The following JPH3 variants were observed in gnomAD, a reference collection of about 807,000 sequenced individuals.
The protein encoded by JPH3 is junctophilin-3.
In JPH3, 11 loss-of-function variants were observed where a neutral mutation model predicts 59.6. That is an observed-to-expected ratio of 0.18 (90% confidence interval 0.12 to 0.31). JPH3 has a LOEUF of 0.31. Ranked by LOEUF, JPH3 falls within the 10% of genes least tolerant of loss-of-function variation. JPH3 has a pLI of 1.00. For missense variants in JPH3, 1,202 were observed against 1,105.7 expected (o/e 1.09, Z -1.24); for synonymous variants, 673 against 483.6 (o/e 1.39, Z -5.14).
chr16:87,648,694 G>T (rs566355623), intron 2 of JPH3, among the ~76,000 whole-genome samples: 1 of 152,306 alleles, frequency 6.6e-6, no homozygotes, highest in East Asian at 1.9e-4. Context: ...ACTCAGCCCA[G>T]GGTGGAGTCA....
intron 4 of JPH3, chr16:87,694,988 T>C (rs1597303562): frequency 3.4e-6 from 1 of 295,290 alleles, no homozygotes; most frequent in South Asian, 3.3e-5. Context: ...TCCGTGGCTG[T>C]TGTGAATCCT....
intron 1 of JPH3, among the ~76,000 whole-genome samples, chr16:87,614,280 ACACAGGAGGAGC>A (rs2150824284): frequency 2.0e-5 from 3 of 149,558 alleles, no homozygotes; most frequent in East Asian, 4.1e-4. Context: ...AGGTCCCTGT[ACACAGGAGGAGC>A]TGTGCGTCCC....
intron 1 of JPH3, among the ~76,000 whole-genome samples, chr16:87,633,036 C>G (rs1324100479): frequency 6.6e-6 from 1 of 152,150 alleles, no homozygotes; most frequent in African/African-American, 2.4e-5. Flanking sequence ...CTTCTCCTGT[C>G]CTTTTACTTC....
intron 2 of JPH3, among the ~76,000 whole-genome samples, chr16:87,669,667 C>T (rs370888787): frequency 1.3e-5 from 2 of 152,224 alleles, no homozygotes; most frequent in East Asian, 1.9e-4. Flanking sequence ...GGGTGGAGGC[C>T]GGGACAGTGT....
chr16:87,695,199 A>G (rs1386512231), intron 4 of JPH3: 2 of 406,064 alleles, frequency 4.9e-6, no homozygotes, highest in Non-Finnish European at 9.9e-6. Flanking sequence ...CCCCTCCTTA[A>G]TGCAGGCCTG....
chr16:87,644,327 G>T lies in JPH3; in HGVS notation c.452G>T (p.Gly151Val), dbSNP rs756865757. 2.5e-6 allele frequency: 4 copies of T among 1,612,958 alleles called. No homozygotes were observed. Among genetic ancestry groups the T allele is most frequent in the Non-Finnish European group, 3.4e-6 (4 of 1,179,934 alleles). The change falls in exon 2 of 5, where the codon GGC becomes GTC. Residue 151 changes from glycine (G) to valine (V), a missense_variant. By Grantham distance (109) the Gly-to-Val change is moderately radical (BLOSUM62 -3). Transcript: ENST00000284262. ...GGCGTCCGGCAGAGCGTCCCGTATG[G>T]CATGGCCGCGGTCATCCGCTCACCC... ...GYGVRQSVPY[G>V]MAAVIRSPLR...
rs1210138898 is a variant in JPH3, at chr16:87,689,728, G to A, written c.1368G>A (p.Glu456=). 1.2e-6 allele frequency: 2 copies of A among 1,612,476 alleles called. No individual in the cohort carries two copies. The highest frequency in any genetic ancestry group is 8.5e-7 in the Non-Finnish European group (1 of 1,179,790). Residue 456 remains glutamate (E), a synonymous_variant, in exon 4 of 5, where the codon GAG becomes GAA. Coordinates refer to ENST00000284262, the MANE Select transcript of JPH3 (RefSeq NM_020655.4). ...VLSTGTPLQQ[E]SPELYRKGTT... ...CCACCGGGACACCCCTGCAGCAGGA[G>A]AGCCCCGAGCTGTACCGCAAGGGCA...
chr16:87,629,088 C>T (rs1277290202), intron 1 of JPH3, among the ~76,000 whole-genome samples: 2 of 152,134 alleles, frequency 1.3e-5, no homozygotes, highest in Admixed American at 6.5e-5. Flanking sequence ...CAGGTCTCCA[C>T]CTCTTGTTGC....
intron 1 of JPH3, among the ~76,000 whole-genome samples, chr16:87,605,645 T>C (rs954300287): frequency 1.3e-5 from 2 of 152,184 alleles, no homozygotes; most frequent in African/African-American, 4.8e-5. Context: ...GCCAGACAGC[T>C]CCCTCAGCAT....
intron 1 of JPH3, among the ~76,000 whole-genome samples, chr16:87,635,679 G>T (rs2031716887): frequency 6.6e-6 from 1 of 152,240 alleles, no homozygotes; most frequent in South Asian, 2.1e-4. Context: ...GACACCTGCT[G>T]GCGGCCTCAT....
intron 2 of JPH3, among the ~76,000 whole-genome samples, chr16:87,659,986 G>A (rs1158269151): frequency 6.6e-6 from 1 of 152,176 alleles, no homozygotes; most frequent in Non-Finnish European, 1.5e-5. Context: ...GAGCTCTGCT[G>A]TGAAGGGGAT....
chr16:87,615,592 G>A (rs191706382), intron 1 of JPH3, among the ~76,000 whole-genome samples: 268 of 152,284 alleles, frequency 1.8e-3, no homozygotes, highest in Middle Eastern at 3.4e-3. Flanking sequence ...AACAGAAGTG[G>A]GAAGTGATGG....
At chr16:87,663,053 C>T (rs1004612131) in intron 2 of JPH3, among the ~76,000 whole-genome samples, 4 of 152,030 alleles carry the variant, frequency 2.6e-5, no homozygotes, top group Admixed American at 1.3e-4. Flanking sequence ...CAGGATAAGT[C>T]GGCAAGTTTT....
intron 1 of JPH3, among the ~76,000 whole-genome samples, chr16:87,628,072 CT>C (rs1167501774): frequency 6.6e-6 from 1 of 152,234 alleles, no homozygotes; most frequent in African/African-American, 2.4e-5. Flanking sequence ...CCTGCCTCCC[CT>C]GTTCACGCCC....
Position 87,644,367 on chromosome 16 carries a change from C to T in JPH3, c.492C>T (p.Ile164=). The T allele has an allele frequency of 6.2e-7, 1 of 1,612,958 alleles. No homozygotes were observed. The highest frequency in any genetic ancestry group is 8.5e-7 in the Non-Finnish European group (1 of 1,179,914). Residue 164 remains isoleucine (I), a synonymous_variant, in exon 2 of 5, where the codon ATC becomes ATT. Coordinates refer to ENST00000284262, the MANE Select transcript of JPH3 (RefSeq NM_020655.4). ...AVIRSPLRTS[I]NSLRSEHTNG... ...TCCGCTCACCCCTGAGGACGTCCAT[C>T]AACTCCCTGCGCAGCGAGCACACCA...
At chr16:87,653,704 T>C (rs1181233749) in intron 2 of JPH3, 2 of 152,204 alleles carry the variant, frequency 1.3e-5, no homozygotes, top group Non-Finnish European at 2.9e-5. Flanking sequence ...CTAAAGTTCA[T>C]GCCAGTTAAT....
At chr16:87,646,010 G>T (rs1248499202) in intron 2 of JPH3, among the ~76,000 whole-genome samples, 2 of 152,220 alleles carry the variant, frequency 1.3e-5, no homozygotes, top group Non-Finnish European at 2.9e-5. Context: ...GGGCCCTTGG[G>T]GTAGCCCGGA....
chr16:87,633,877 T>G (rs181213537), intron 1 of JPH3, among the ~76,000 whole-genome samples: 148 of 151,132 alleles, frequency 9.8e-4, no homozygotes, highest in African/African-American at 3.5e-3. Flanking sequence ...GAGGGTAATT[T>G]CTGAAAAACC....
At chr16:87,645,127 G>C (rs2032103086) in intron 2 of JPH3, 92 bp downstream of exon 2, 5 of 1,343,504 alleles carry the variant, frequency 3.7e-6, no homozygotes, top group South Asian at 1.4e-5. Context: ...TCAAGGCCTT[G>C]GGCTAGGCCC....
Sources: allele counts gnomAD v4.1 joint callset (sites outside exome capture counted in the v4.1 genomes callset), GRCh38; gene constraint gnomAD v4.1.1; transcripts MANE v1.5; gene names NCBI Gene and HGNC (gene_info 2026-07-23, HGNC 2026-07-21).